Variants in UGT2B4 observed in about 807,000 individuals in gnomAD.
UGT2B4 encodes the protein UDP glucuronosyltransferase family 2 member B4, also known as UDP-glucuronosyltransferase 2B4.
In UGT2B4, 49 loss-of-function variants were observed where a neutral mutation model predicts 49.8. The ratio of observed to expected loss-of-function variants is 0.98; its 90% confidence interval spans 0.78 to 1.25. The LOEUF (loss-of-function observed/expected upper bound fraction) is 1.25, where lower values mean the gene tolerates loss of function less well. Among genes scored for constraint, UGT2B4 ranks in the 50% most tolerant of loss-of-function variants. UGT2B4 has a pLI of 0.00. For missense variants in UGT2B4, 729 were observed against 627.7 expected, an observed-to-expected ratio of 1.16 and a Z score of -1.73; for synonymous variants, 246 against 217.7, an observed-to-expected ratio of 1.13 and a Z score of -1.14.
intron 1 of UGT2B4, among the ~76,000 whole-genome samples, chr4:69,513,949 ACTTATCAC>A (rs1392486101): frequency 2.0e-5 from 3 of 151,994 alleles, no homozygotes; most frequent in African/African-American, 7.3e-5. Flanking sequence ...TGCTGAATTT[ACTTATCAC>A]CTTAAGAAGC....
At chr4:69,490,798 T>C (rs1043317040) in intron 2 of UGT2B4, among the ~76,000 whole-genome samples, 2 of 152,146 alleles carry the variant, frequency 1.3e-5, no homozygotes, top group African/African-American at 4.8e-5. Context: ...TATCCAGGTA[T>C]TGTGCGTAAT....
Position 69,495,158 on chromosome 4 carries a change from A to G in UGT2B4, c.704T>C (p.Phe235Ser), listed in dbSNP as rs1391112331. 1 of 1,565,268 alleles carries G rather than the reference A, an allele frequency of 6.4e-7. No homozygotes were observed. Among genetic ancestry groups the G allele is most frequent in the Non-Finnish European group, 8.6e-7 (1 of 1,160,674 alleles). ...TTACTTACCTAGAACTTCACTGTAG[A>G]ACTGATCCCACTTCTTCATGTCAAA... The part of the protein sequence containing the change: ...QIFDMKKWDQ[F>S]YSEVLGRPTT... Residue 235 changes from phenylalanine to serine, a missense_variant, in exon 1 of 6, where the codon TTC becomes TCC. Transcript: ENST00000305107.
At chr4:69,514,477 G>T (rs1171777967) in intron 1 of UGT2B4, among the ~76,000 whole-genome samples, 2 of 152,032 alleles carry the variant, frequency 1.3e-5, no homozygotes, top group Non-Finnish European at 2.9e-5. Flanking sequence ...ATTGTCATGG[G>T]CAGAACTTCC....
At chr4:69,505,355 C>T (rs1439244082) in intron 1 of UGT2B4, among the ~76,000 whole-genome samples, 1 of 151,990 alleles carries the variant, frequency 6.6e-6, no homozygotes, top group African/African-American at 2.4e-5. Context: ...CATACATAGG[C>T]TCAAAATAAA....
At chr4:69,495,938 A>G (rs1728150287), upstream of UGT2B4, 2 of 1,510,444 alleles carry the variant, frequency 1.3e-6, no homozygotes, top group East Asian at 2.3e-5. Flanking sequence ...AGTATAAATC[A>G]GTCAAGAAGT....
At chr4:69,483,013 TTC>T (rs1382955817) in intron 5 of UGT2B4, among the ~76,000 whole-genome samples, 1 of 152,180 alleles carries the variant, frequency 6.6e-6, no homozygotes, top group African/African-American at 2.4e-5. Context: ...CTATTAATAA[TTC>T]TGTCATAAAC....
Position 69,486,699 on chromosome 4 carries a change from G to A in UGT2B4, c.1003-3C>T, listed in dbSNP as rs41297419. The A allele has an allele frequency of 5.0e-4, 796 of 1,595,176 alleles. 5 individuals are homozygous for A. The East Asian group carries it at 0.012, about 24-fold the overall frequency. The stretch of plus-strand genomic sequence containing the variant: ...TTCCCATCAAATCTCCACAGAACCT[G>A]TTACAGTGAAGAAAATATCTTATTC... On this transcript the variant is annotated splice_region_variant and splice_polypyrimidine_tract_variant and intron_variant, in intron 3 of 5. Transcript: ENST00000305107.
At chr4:69,507,119 T>A (rs1326655613) in intron 1 of UGT2B4, among the ~76,000 whole-genome samples, 1 of 152,170 alleles carries the variant, frequency 6.6e-6, no homozygotes, top group Non-Finnish European at 1.5e-5. Flanking sequence ...GTCAACATCA[T>A]ACTGAATGGG....
chr4:69,486,068 G>A (rs1727772542), intron 4 of UGT2B4, among the ~76,000 whole-genome samples: 1 of 152,102 alleles, frequency 6.6e-6, no homozygotes, highest in Non-Finnish European at 1.5e-5. Flanking sequence ...GCCAGAATGT[G>A]TTCTCTTAAG....
At chr4:69,502,081 TTCTTTCTC>T (rs1443239820) in intron 1 of UGT2B4, among the ~76,000 whole-genome samples, 16 of 80,912 alleles carry the variant, frequency 2.0e-4, no homozygotes, top group African/African-American at 7.0e-4. Context: ...TTTTCTTTCT[TTCTTTCTC>T]TCTCTTTCTT....
chr4:69,525,810 A>G (rs1728970241), exon 1 of UGT2B4: 1 of 1,087,646 alleles, frequency 9.2e-7, no homozygotes, highest in Middle Eastern at 2.6e-4. Context: ...ATATTAAAGA[A>G]AGGGCTCCAG....
chr4:69,484,054 C>T (rs868621976), intron 5 of UGT2B4, among the ~76,000 whole-genome samples: 2 of 151,980 alleles, frequency 1.3e-5, no homozygotes, highest in African/African-American at 4.8e-5. Flanking sequence ...ATATAAAGAA[C>T]ATCAACATCT....
chr4:69,505,060 T>G (rs977683362), intron 1 of UGT2B4, among the ~76,000 whole-genome samples: 2 of 152,114 alleles, frequency 1.3e-5, no homozygotes, highest in Non-Finnish European at 2.9e-5. Context: ...AAAAGCTTCT[T>G]AAGGAAGCAC....
chr4:69,482,119 G>A (rs112877179), intron 5 of UGT2B4, among the ~76,000 whole-genome samples: 15 of 152,046 alleles, frequency 9.9e-5, no homozygotes, highest in East Asian at 5.8e-4. Flanking sequence ...TACACATTGC[G>A]TCCCCTCTAC....
intron 1 of UGT2B4, among the ~76,000 whole-genome samples, chr4:69,519,690 T>C (rs1240668653): frequency 6.6e-6 from 1 of 152,234 alleles, no homozygotes; most frequent in East Asian, 1.9e-4. Context: ...CACCAAGATC[T>C]TCACCCTAAA....
At chr4:69,494,181 C>A (rs1041591978) in intron 1 of UGT2B4, among the ~76,000 whole-genome samples, 1 of 151,964 alleles carries the variant, frequency 6.6e-6, no homozygotes, top group Admixed American at 6.6e-5. Context: ...ACGTATAAAC[C>A]ACTCTTTGAG....
chr4:69,495,720 G>A lies in UGT2B4; in HGVS notation c.142C>T (p.Gln48Ter). Residue 48 changes from glutamine to a stop codon, truncating the protein, a stop_gained, in exon 1 of 6, where the codon CAG (glutamine) becomes TAG (stop). Coordinates refer to ENST00000305107, the MANE Select transcript of UGT2B4 (RefSeq NM_021139.3). LOFTEE classifies it high-confidence loss of function. ...AATACAGTCACCTCATGACCTCTCT[G>A]GACAAGTTCATCCAGGATTGTCTTT... ...NIKTILDELV[Q>*]RGHEVTVLAS... 8.1e-6 allele frequency: 13 copies of A among 1,614,022 alleles called. No homozygotes were observed. Among genetic ancestry groups the A allele is most frequent in the Non-Finnish European group, 1.1e-5 (13 of 1,179,976 alleles).
At chr4:69,500,113 G>A (rs11249443), upstream of UGT2B4, among the ~76,000 whole-genome samples, 18,034 of 152,096 alleles carry the variant, frequency 0.12, 1,198 homozygotes, top group East Asian at 0.25. Context: ...GATGCAGCTC[G>A]AAGCCATTAT....
intron 1 of UGT2B4, among the ~76,000 whole-genome samples, chr4:69,504,488 G>GA (rs541847617): frequency 2.5e-4 from 38 of 151,832 alleles, no homozygotes; most frequent in African/African-American, 8.7e-4. Flanking sequence ...ACCAAGCAAA[G>GA]AAAAAAATCT....
Sources: gnomAD v4.1 joint callset for allele counts (sites outside exome capture counted in the v4.1 genomes callset) on GRCh38, gnomAD v4.1.1 for gene constraint, MANE v1.5 for transcripts, NCBI Gene and HGNC (gene_info 2026-07-23, HGNC 2026-07-21) for gene names.